The following SCFD2 variants were observed in gnomAD, a reference collection of about 807,000 sequenced individuals.
The protein encoded by SCFD2 is sec1 family domain-containing protein 2.
Under a neutral mutation model 58.9 loss-of-function variants are expected in SCFD2, and 54 were observed. The ratio of observed to expected loss-of-function variants is 0.92; its 90% CI spans 0.74 to 1.15. SCFD2 has a LOEUF of 1.15. SCFD2 is among the 50% of genes most tolerant of loss of function. SCFD2 has a pLI of 0.00. For synonymous variants in SCFD2, 321 were observed against 335.9 expected, an observed-to-expected ratio of 0.96 and a Z score of 0.49; for missense variants, 805 against 836.6, an observed-to-expected ratio of 0.96 and a Z score of 0.47.
chr4:52,920,351 G>A (rs1023655715), intron 6 of SCFD2, among the ~76,000 whole-genome samples: 3 of 152,072 alleles, frequency 2.0e-5, no homozygotes, highest in Admixed American at 1.3e-4. Context: ...AAATGTTTAC[G>A]GACTGGTTAG....
chr4:53,017,304 C>T (rs187873125), intron 5 of SCFD2, among the ~76,000 whole-genome samples: 75 of 152,240 alleles, frequency 4.9e-4, no homozygotes, highest in Admixed American at 2.6e-3. Flanking sequence ...ACGTGCGAAA[C>T]ATTCAAATCA....
chr4:53,051,228 C>G (rs1353950386), intron 5 of SCFD2, among the ~76,000 whole-genome samples: 1 of 152,140 alleles, frequency 6.6e-6, no homozygotes, highest in Non-Finnish European at 1.5e-5. Flanking sequence ...CATCTTCTAT[C>G]ACTATGGCAG....
At chr4:53,316,609 G>A (rs576954247) in intron 2 of SCFD2, among the ~76,000 whole-genome samples, 1 of 152,238 alleles carries the variant, frequency 6.6e-6, no homozygotes, top group South Asian at 2.1e-4. Context: ...AGGAGTTTGT[G>A]ATATATTGGA....
intron 3 of SCFD2, among the ~76,000 whole-genome samples, chr4:53,286,323 G>A (rs1219262058): frequency 6.6e-6 from 1 of 151,996 alleles, no homozygotes; most frequent in Non-Finnish European, 1.5e-5. Context: ...ATGCACCCTG[G>A]TGCCTAAGCT....
At chr4:52,878,418 C>T (rs1718531282) in intron 8 of SCFD2, among the ~76,000 whole-genome samples, 1 of 152,220 alleles carries the variant, frequency 6.6e-6, no homozygotes, top group Non-Finnish European at 1.5e-5. Context: ...GAAGAGCAAG[C>T]AGGATCATAC....
intron 2 of SCFD2, among the ~76,000 whole-genome samples, chr4:53,337,621 A>C (rs1449277971): frequency 6.6e-6 from 1 of 152,136 alleles, no homozygotes; most frequent in African/African-American, 2.4e-5. Flanking sequence ...CCCCCAAAAC[A>C]CTTGTTTAAG....
intron 5 of SCFD2, among the ~76,000 whole-genome samples, chr4:52,990,549 T>A (rs1721593201): frequency 6.6e-6 from 1 of 152,172 alleles, no homozygotes; most frequent in Non-Finnish European, 1.5e-5. Flanking sequence ...ATTTTTCAGA[T>A]GAAGAAAATG....
intron 5 of SCFD2, among the ~76,000 whole-genome samples, chr4:53,014,286 T>C (rs914061775): frequency 6.6e-5 from 10 of 152,152 alleles, no homozygotes; most frequent in African/African-American, 2.2e-4. Context: ...AAAAGAAAGT[T>C]TCAGAGTTTT....
intron 5 of SCFD2, among the ~76,000 whole-genome samples, chr4:53,075,567 A>G (rs1052784737): frequency 1.3e-5 from 2 of 152,192 alleles, no homozygotes; most frequent in African/African-American, 4.8e-5. Context: ...GGGACATGTC[A>G]TCTTTTCACT....
At chr4:53,115,898 T>C (rs971047748) in intron 5 of SCFD2, among the ~76,000 whole-genome samples, 1 of 152,182 alleles carries the variant, frequency 6.6e-6, no homozygotes, top group Non-Finnish European at 1.5e-5. Context: ...AGAAGACCTA[T>C]GCTGTTTTAA....
rs537248621 is a variant in SCFD2 at position 52,972,328 on chromosome 4, C to T, written c.1562-51458G>A. On this transcript the variant is annotated intron_variant, in intron 5 of 8. Coordinates refer to ENST00000401642, the MANE Select transcript of SCFD2 (RefSeq NM_152540.4). ...AATAAAGGGATGGAGGAAGATCTAC[C>T]AAGCAAATGGAAAACAAAAAAAGGC... 3.7e-4 allele frequency among the ~76,000 whole-genome samples: 57 copies of T among 152,062 alleles called. 1 individual carries two copies. The highest frequency in any genetic ancestry group is 1.4e-3 in the African/African-American group (56 of 41,468).
chr4:53,201,024 A>G (rs1303603896), intron 4 of SCFD2, among the ~76,000 whole-genome samples: 1 of 151,666 alleles, frequency 6.6e-6, no homozygotes, highest in Non-Finnish European at 1.5e-5. Context: ...ATTTTTTAAA[A>G]AATTTTATTA....
chr4:52,903,617 T>A (rs1362263001), intron 7 of SCFD2, among the ~76,000 whole-genome samples: 2 of 152,200 alleles, frequency 1.3e-5, no homozygotes, highest in Non-Finnish European at 2.9e-5. Flanking sequence ...CAGAAAAGAA[T>A]AAGACCCAGA....
chr4:53,001,480 C>T (rs1422575844), intron 5 of SCFD2, among the ~76,000 whole-genome samples: 1 of 152,174 alleles, frequency 6.6e-6, no homozygotes, highest in Non-Finnish European at 1.5e-5. Flanking sequence ...AATACAAAAA[C>T]ATGGCTTTTT....
intron 2 of SCFD2, among the ~76,000 whole-genome samples, chr4:53,340,267 C>T (rs1733821475): frequency 6.6e-6 from 1 of 152,312 alleles, no homozygotes; most frequent in East Asian, 1.9e-4. Flanking sequence ...CACCCTAATA[C>T]TGCACTTTTC....
At chr4:53,238,121 G>A (rs930672892) in intron 4 of SCFD2, among the ~76,000 whole-genome samples, 1 of 131,844 alleles carries the variant, frequency 7.6e-6, no homozygotes, top group African/African-American at 2.9e-5. Context: ...TTCCCAGTAG[G>A]GGTGGCCGGG....
At chr4:53,329,089 G>A (rs1560449470) in intron 2 of SCFD2, among the ~76,000 whole-genome samples, 1 of 152,222 alleles carries the variant, frequency 6.6e-6, no homozygotes. Context: ...GGCTCAGAGG[G>A]TCCTACGCCC....
intron 5 of SCFD2, among the ~76,000 whole-genome samples, chr4:53,137,775 G>T (rs1255780048): frequency 1.3e-5 from 2 of 152,158 alleles, no homozygotes. Context: ...TGTTTAGCAA[G>T]ACAAATTTTT....
At chr4:53,348,586 T>A (rs936377255) in intron 2 of SCFD2, among the ~76,000 whole-genome samples, 3 of 152,236 alleles carry the variant, frequency 2.0e-5, no homozygotes, top group African/African-American at 7.2e-5. Context: ...TTGTTTATAA[T>A]TTTCTCACCA....
Sources: allele counts gnomAD v4.1 joint callset (sites outside exome capture counted in the v4.1 genomes callset), GRCh38; gene constraint gnomAD v4.1.1; transcripts MANE v1.5; gene names NCBI Gene and HGNC (gene_info 2026-07-23, HGNC 2026-07-21).